IGF2BP2: variants seen among roughly 807,000 people sequenced by gnomAD.
IGF2BP2 encodes insulin-like growth factor 2 mRNA-binding protein 2.
In IGF2BP2, 17 loss-of-function variants were observed where a neutral mutation model predicts 75.8. The observed-to-expected ratio is 0.22, with a 90% CI of 0.15 to 0.34. IGF2BP2 has a LOEUF of 0.34. Among genes scored for constraint, IGF2BP2 ranks in the 10% least tolerant of loss-of-function variants. The pLI is 1.00. For synonymous variants in IGF2BP2, 288 were observed against 295.6 expected (o/e 0.97, Z 0.26); for missense variants, 516 against 772.4 (o/e 0.67, Z 3.93).
chr3:185,720,264 G>T (rs1012049067), intron 2 of IGF2BP2, among the ~76,000 whole-genome samples: 3 of 152,188 alleles, frequency 2.0e-5, no homozygotes, highest in African/African-American at 7.2e-5. Context: ...TCTTGCAGGG[G>T]GAGATAAAGC....
At chr3:185,723,477 A>C (rs1726868241) in intron 2 of IGF2BP2, among the ~76,000 whole-genome samples, 1 of 152,226 alleles carries the variant, frequency 6.6e-6, no homozygotes, top group South Asian at 2.1e-4. Context: ...TAGGATGAGA[A>C]GCCACATCTT....
At chr3:185,711,356 G>A (rs1173384855) in intron 2 of IGF2BP2, among the ~76,000 whole-genome samples, 5 of 152,082 alleles carry the variant, frequency 3.3e-5, no homozygotes, top group South Asian at 2.1e-4. Flanking sequence ...CATGTGCACC[G>A]CAGTCTCTCA....
chr3:185,777,329 C>G (rs937535917), intron 2 of IGF2BP2, among the ~76,000 whole-genome samples: 6 of 152,054 alleles, frequency 3.9e-5, no homozygotes, highest in African/African-American at 1.4e-4. Context: ...TTAGCCAAAA[C>G]CAAAACCAAA....
rs199744636 is a variant in IGF2BP2 at position 185,668,504 on chromosome 3, G to GATAT, written c.1200+4036_1200+4037insATAT. On this transcript the variant is annotated intron_variant, in intron 10 of 15. Coordinates refer to ENST00000382199, the MANE Select transcript of IGF2BP2 (RefSeq NM_006548.6). ...CATTTGTTCGAGAGAGAGAGAGAGA[G>GATAT]AGAGATATATATATATATATATATA... is the stretch of plus-strand genomic sequence containing the variant. 1.9e-3 allele frequency among the ~76,000 whole-genome samples: 231 copies of GATAT among 122,942 alleles called. 2 individuals are homozygous for GATAT. Among genetic ancestry groups the GATAT allele is most frequent in the Middle Eastern group, 8.8e-3 (2 of 228 alleles). The allele number at this position is 122,942 out of a possible 152,430, so 80.7% of individuals were successfully genotyped here. A position where few individuals can be genotyped will look rare whatever the true frequency, so the allele number is the denominator to read the frequency against.
intron 2 of IGF2BP2, among the ~76,000 whole-genome samples, chr3:185,814,604 CTA>C (rs1740355159): frequency 6.6e-6 from 1 of 152,074 alleles, no homozygotes; most frequent in African/African-American, 2.4e-5. Context: ...TTTTAAAGCT[CTA>C]TTAGAGGTTC....
At position 185,669,574 on chromosome 3, in the gene IGF2BP2, AG is replaced by A. The variant is rs1553852981; in HGVS notation, c.1200+2966del. On this transcript the variant is annotated intron_variant, in intron 10 of 15. Transcript: ENST00000382199. Reference sequence around the variant, plus strand: ...AGAAAAACAGTAAAAAAAAAAAAAAAGGGGGGGGGGTAAAGTTTTCCTACAC... The same window carrying A: ...AGAAAAACAGTAAAAAAAAAAAAAAAGGGGGGGGGTAAAGTTTTCCTACAC... Among the ~76,000 whole-genome samples the A allele has an allele frequency of 9.2e-3, 1,148 of 124,472 alleles. 14 individuals carry two copies. The highest frequency in any genetic ancestry group is 0.032 in the East Asian group (115 of 3,630). The allele number at this position is 124,472 out of a possible 152,430, so 81.7% of individuals were successfully genotyped here.
At chr3:185,706,558 T>G (rs889343058) in intron 2 of IGF2BP2, among the ~76,000 whole-genome samples, 31 of 152,228 alleles carry the variant, frequency 2.0e-4, no homozygotes, top group African/African-American at 7.2e-4. Context: ...AGAGTAGAAC[T>G]TGCATGAAAT....
intron 1 of IGF2BP2, 145 bp from the exon 2 acceptor site, chr3:185,823,358 T>C (rs1324734628): frequency 1.9e-6 from 1 of 517,456 alleles, no homozygotes; most frequent in Non-Finnish European, 3.4e-6. Flanking sequence ...CTGGGCGAAC[T>C]TGGTTCCCAG....
chr3:185,781,219 G>A (rs1361612912), intron 2 of IGF2BP2, among the ~76,000 whole-genome samples: 2 of 152,172 alleles, frequency 1.3e-5, no homozygotes, highest in African/African-American at 4.8e-5. Flanking sequence ...TAAAAAAATT[G>A]TCTGTTTTTA....
At chr3:185,775,620 T>C (rs1254465970) in intron 2 of IGF2BP2, among the ~76,000 whole-genome samples, 3 of 151,996 alleles carry the variant, frequency 2.0e-5, no homozygotes, top group African/African-American at 7.2e-5. Flanking sequence ...CTGAGCAAGG[T>C]TGGGGAATGG....
chr3:185,665,738 G>A (rs186409041), intron 10 of IGF2BP2, among the ~76,000 whole-genome samples: 168 of 152,184 alleles, frequency 1.1e-3, no homozygotes, highest in African/African-American at 3.8e-3. Flanking sequence ...AGGCCAAGGC[G>A]GGCAGATTAC....
intron 2 of IGF2BP2, among the ~76,000 whole-genome samples, chr3:185,730,583 C>T (rs980653538): frequency 6.6e-6 from 1 of 151,944 alleles, no homozygotes; most frequent in African/African-American, 2.4e-5. Flanking sequence ...TACAAGCATG[C>T]GCCACCACGC....
rs537766970 is a variant in IGF2BP2, at chr3:185,673,583, G to A, written c.1072-914C>T. ...TTAGCCACACAGCTCTTCAGAGGCA[G>A]AGGAACGTGGTCACCCATTCCAGGC... On this transcript the variant is annotated intron_variant, in intron 9 of 15. Transcript: ENST00000382199. 4.6e-5 allele frequency among the ~76,000 whole-genome samples: 7 copies of A among 152,322 alleles called. No homozygotes were observed. In the South Asian group the frequency reaches 8.3e-4, roughly 18 times the overall value.
chr3:185,652,370 T>A (rs974005539), intron 12 of IGF2BP2, among the ~76,000 whole-genome samples: 4 of 152,236 alleles, frequency 2.6e-5, no homozygotes, highest in African/African-American at 9.6e-5. Flanking sequence ...AATTTGGGTT[T>A]TTGGCCACCC....
chr3:185,811,361 A>G (rs1362626909), intron 2 of IGF2BP2, among the ~76,000 whole-genome samples: 1 of 152,154 alleles, frequency 6.6e-6, no homozygotes. Flanking sequence ...GGGATACTAA[A>G]CATAAAGGAC....
intron 10 of IGF2BP2, among the ~76,000 whole-genome samples, chr3:185,665,043 T>C (rs1015781067): frequency 2.0e-5 from 3 of 151,680 alleles, no homozygotes; most frequent in Non-Finnish European, 2.9e-5. Flanking sequence ...TGTGCACCTG[T>C]AGTCCCTGCT....
chr3:185,649,342 C>G, intron 14 of IGF2BP2, 61 bp downstream of exon 14: 1 of 1,592,870 alleles, frequency 6.3e-7, no homozygotes, highest in Non-Finnish European at 8.5e-7. Flanking sequence ...TGAGGGAACT[C>G]AGGCAAGGCC....
At chr3:185,756,968 C>CTAAA (rs1443474382) in intron 2 of IGF2BP2, among the ~76,000 whole-genome samples, 1 of 151,990 alleles carries the variant, frequency 6.6e-6, no homozygotes, top group Non-Finnish European at 1.5e-5. Context: ...GATCCTGTCT[C>CTAAA]TAAATAAATA....
chr3:185,658,061 T>C (rs796683983), intron 11 of IGF2BP2, among the ~76,000 whole-genome samples: 24 of 152,332 alleles, frequency 1.6e-4, no homozygotes, highest in African/African-American at 5.1e-4. Context: ...CACGTGCTCA[T>C]CTGGCCTTCT....
Sources: allele counts gnomAD v4.1 joint callset (sites outside exome capture counted in the v4.1 genomes callset), GRCh38; gene constraint gnomAD v4.1.1; transcripts MANE v1.5; gene names NCBI Gene and HGNC (gene_info 2026-07-23, HGNC 2026-07-21).